SH3RF3: variants seen among roughly 807,000 people sequenced by gnomAD.
SH3RF3 encodes the protein SH3 domain containing ring finger 3, also known as E3 ubiquitin-protein ligase SH3RF3.
A neutral mutation model predicts 66.3 loss-of-function variants in SH3RF3; 29 were observed. The ratio of observed to expected loss-of-function variants is 0.44; its 90% CI spans 0.33 to 0.60. The LOEUF (loss-of-function observed/expected upper bound fraction) is 0.60, where lower values mean the gene tolerates loss of function less well. Ranked by LOEUF, SH3RF3 falls within the 20% of genes least tolerant of loss-of-function variation. The probability of loss-of-function intolerance (pLI) is 0.04; values close to 1 mark genes in which losing one functional copy is unlikely to be tolerated. For missense variants in SH3RF3, 1,194 were observed against 1,190.9 expected (o/e 1.00, Z -0.04); for synonymous variants, 583 against 532.0 (o/e 1.10, Z -1.32).
chr2:109,433,784 C>A (rs1415624366), intron 6 of SH3RF3, among the ~76,000 whole-genome samples: 1 of 152,202 alleles, frequency 6.6e-6, no homozygotes, highest in African/African-American at 2.4e-5. Context: ...GAAAGGTCTG[C>A]AGGCACAAGG....
intron 3 of SH3RF3, among the ~76,000 whole-genome samples, chr2:109,390,678 A>G (rs561837280): frequency 1.1e-4 from 16 of 152,158 alleles, no homozygotes; most frequent in Non-Finnish European, 2.2e-4. Flanking sequence ...GGCGAGACCC[A>G]TGGACTCTGG....
intron 5 of SH3RF3, among the ~76,000 whole-genome samples, chr2:109,420,965 G>A (rs895497437): frequency 6.6e-6 from 1 of 152,144 alleles, no homozygotes; most frequent in Non-Finnish European, 1.5e-5. Context: ...TTTTTACCTA[G>A]CTTCCTGAGC....
chr2:109,212,948 G>A lies in SH3RF3; in HGVS notation c.573+82835G>A, dbSNP rs970613848. 2.0e-5 allele frequency among the ~76,000 whole-genome samples: 3 copies of A among 152,314 alleles called. No individual in the cohort carries two copies. The East Asian group carries it at 5.8e-4, about 29-fold the overall frequency. On this transcript the variant is annotated intron_variant, in intron 1 of 9. Coordinates refer to ENST00000309415, the MANE Select transcript of SH3RF3 (RefSeq NM_001099289.3). ...GAAAGATGATTGGAATATAGTGGAT[G>A]ATGAAAAGACAGATGCTGCCCACAC...
At chr2:109,327,748 T>G in intron 1 of SH3RF3, among the ~76,000 whole-genome samples, 1 of 152,366 alleles carries the variant, frequency 6.6e-6, no homozygotes, top group South Asian at 2.1e-4. Flanking sequence ...TATAAAGTAT[T>G]TTTAATTATA....
In SH3RF3 at chr2:109,490,761, A is replaced by G. The variant is rs1192731556; in HGVS notation, c.2305A>G (p.Ile769Val). Residue 769 changes from isoleucine (I) to valine (V), a missense_variant, in exon 9 of 10, where the codon ATC becomes GTC. Ile to Val is a conservative substitution (Grantham distance 29). Transcript: ENST00000309415. ...AVGPEVSSLS[I>V]HGRAGSCPIE... is the part of the protein sequence containing the mutation. ...GGGCCCCGAAGTGTCCTCACTGTCC[A>G]TCCACGGCAGGGCAGGGTCCTGCCC... 2.0e-6 allele frequency: 3 copies of G among 1,536,604 alleles called. No homozygotes were observed. Among genetic ancestry groups the G allele is most frequent in the Non-Finnish European group, 2.6e-6 (3 of 1,146,498 alleles).
chr2:109,254,411 G>T (rs371468342), intron 1 of SH3RF3, among the ~76,000 whole-genome samples: 1 of 152,212 alleles, frequency 6.6e-6, no homozygotes, highest in Non-Finnish European at 1.5e-5. Context: ...TTCCTCATTG[G>T]ACTGTTGGGG....
At chr2:109,422,199 A>G (rs944356858) in intron 5 of SH3RF3, among the ~76,000 whole-genome samples, 4 of 152,244 alleles carry the variant, frequency 2.6e-5, no homozygotes, top group African/African-American at 7.2e-5. Flanking sequence ...AACCACAGCA[A>G]ACAACAGTGC....
intron 8 of SH3RF3, among the ~76,000 whole-genome samples, chr2:109,488,719 A>C (rs1488119997): frequency 1.3e-5 from 2 of 152,212 alleles, no homozygotes; most frequent in Admixed American, 6.5e-5. Flanking sequence ...CTCGGGAAAC[A>C]CCACACTTTG....
At chr2:109,418,053 G>A (rs1003833620) in intron 4 of SH3RF3, among the ~76,000 whole-genome samples, 2 of 152,036 alleles carry the variant, frequency 1.3e-5, no homozygotes, top group Admixed American at 1.3e-4. Context: ...GCTCACCTGA[G>A]GACACACACT....
rs542116476 is a variant in SH3RF3, at chr2:109,251,010, T to A, written c.574-96664T>A. On this transcript the variant is annotated intron_variant, in intron 1 of 9. Coordinates refer to ENST00000309415, the MANE Select transcript of SH3RF3 (RefSeq NM_001099289.3). ...CAAATTATTAATATTTTTATTTATT[T>A]ATTTTTTTTGAGATTGAGTCTCACT... Among the ~76,000 whole-genome samples, 165 of 152,156 alleles carry A rather than the reference T, an allele frequency of 1.1e-3. 1 individual carries two copies. Among genetic ancestry groups the A allele is most frequent in the African/African-American group, 3.8e-3 (156 of 41,530 alleles).
intron 2 of SH3RF3, among the ~76,000 whole-genome samples, chr2:109,366,973 T>G (rs1683162212): frequency 6.6e-6 from 1 of 152,226 alleles, no homozygotes; most frequent in South Asian, 2.1e-4. Flanking sequence ...TTTTATTTTT[T>G]GGGACAGAGT....
chr2:109,307,497 T>C, intron 1 of SH3RF3, among the ~76,000 whole-genome samples: 1 of 149,790 alleles, frequency 6.7e-6, no homozygotes, highest in Non-Finnish European at 1.5e-5. Context: ...TATGTATACA[T>C]GTGCCATGCT....
chr2:109,221,256 TG>T (rs1679233234), intron 1 of SH3RF3, among the ~76,000 whole-genome samples: 1 of 152,168 alleles, frequency 6.6e-6, no homozygotes. Context: ...CCATTCTAAC[TG>T]GGTGGAGGTG....
rs545409191 is a variant in SH3RF3 at position 109,248,754 on chromosome 2, T to TTC, written c.574-98906_574-98905dup. ...TTTCTTCCTTTCCTTCTTTCCTTCCTTCTCTCTCTCTCTCTTTCTCTTCTT... is the reference window on the plus strand; with the variant it reads ...TTTCTTCCTTTCCTTCTTTCCTTCCTTCTCTCTCTCTCTCTCTTTCTCTTCTT... On this transcript the variant is annotated intron_variant, in intron 1 of 9. Coordinates refer to ENST00000309415, the MANE Select transcript of SH3RF3 (RefSeq NM_001099289.3). Among the ~76,000 whole-genome samples the TTC allele has an allele frequency of 6.8e-3, 1,027 of 151,518 alleles. 3 individuals are homozygous for TTC. Among genetic ancestry groups the TTC allele is most frequent in the African/African-American group, 8.3e-3 (343 of 41,256 alleles).
intron 1 of SH3RF3, among the ~76,000 whole-genome samples, chr2:109,290,103 G>A (rs1339842190): frequency 6.6e-6 from 1 of 152,156 alleles, no homozygotes; most frequent in Non-Finnish European, 1.5e-5. Flanking sequence ...CTGCTGGTCC[G>A]TGGACCACAC....
At chr2:109,379,673 TG>T (rs1217538076) in intron 3 of SH3RF3, among the ~76,000 whole-genome samples, 1 of 152,226 alleles carries the variant, frequency 6.6e-6, no homozygotes, top group Non-Finnish European at 1.5e-5. Flanking sequence ...AGCGACAGCC[TG>T]TGGAAGGGAT....
intron 2 of SH3RF3, among the ~76,000 whole-genome samples, chr2:109,348,390 G>A (rs183053392): frequency 1.5e-3 from 228 of 152,322 alleles, no homozygotes; most frequent in Non-Finnish European, 2.6e-3. Context: ...GATAGCTGGG[G>A]TCTCACATCT....
At chr2:109,177,558 G>T (rs997157156) in intron 1 of SH3RF3, among the ~76,000 whole-genome samples, 12 of 152,114 alleles carry the variant, frequency 7.9e-5, no homozygotes, top group Admixed American at 6.5e-4. Flanking sequence ...CTGGGGGGGG[G>T]CACCATTCCT....
chr2:109,217,796 G>C (rs1679134718), intron 1 of SH3RF3, among the ~76,000 whole-genome samples: 1 of 152,178 alleles, frequency 6.6e-6, no homozygotes, highest in South Asian at 2.1e-4. Flanking sequence ...TTGCTGGCCT[G>C]GCTGTGGTGC....
Sources: gnomAD v4.1 joint callset for allele counts (sites outside exome capture counted in the v4.1 genomes callset) on GRCh38, gnomAD v4.1.1 for gene constraint, MANE v1.5 for transcripts, NCBI Gene and HGNC (gene_info 2026-07-23, HGNC 2026-07-21) for gene names.